The following PWWP3B variants were observed in gnomAD, a reference collection of about 807,000 sequenced individuals.
PWWP3B encodes PWWP domain containing 3B.
A neutral mutation model predicts 15.7 loss-of-function variants in PWWP3B; 5 were observed. The observed-to-expected ratio is 0.32, with a 90% confidence interval of 0.17 to 0.67. The LOEUF (loss-of-function observed/expected upper bound fraction) is 0.67. PWWP3B is among the 30% of genes least tolerant of loss of function. The pLI, the probability that PWWP3B is intolerant of heterozygous loss-of-function variation, is 0.74. For missense variants in PWWP3B, 519 were observed against 493.1 expected (o/e 1.05, Z -0.50); for synonymous variants, 203 against 179.8 (o/e 1.13, Z -1.03).
intron 2 of PWWP3B, among the ~76,000 whole-genome samples, chrX:106,193,018 G>A: frequency 9.0e-6 from 1 of 111,641 alleles, no homozygotes; most frequent in East Asian, 2.8e-4. Context: ...TGTATATTTT[G>A]TTGATTTAGG....
intron 2 of PWWP3B, among the ~76,000 whole-genome samples, chrX:106,177,618 C>T (rs770372291): frequency 6.2e-5 from 7 of 112,202 alleles, no homozygotes; most frequent in African/African-American, 1.6e-4. Context: ...ACGTGCTGTT[C>T]GTGTTAATTT....
At chrX:106,190,826 C>G (rs1159987818) in intron 2 of PWWP3B, among the ~76,000 whole-genome samples, 74 of 111,328 alleles carry the variant, frequency 6.6e-4, no homozygotes, top group Admixed American at 2.1e-3. Context: ...GCTTGTTTTT[C>G]TCAGGTTTGT....
At chrX:106,200,774 C>T (rs1209371702) in intron 2 of PWWP3B, among the ~76,000 whole-genome samples, 3 of 111,694 alleles carry the variant, frequency 2.7e-5, no homozygotes, top group East Asian at 5.6e-4. Flanking sequence ...GCCGGCCGGG[C>T]GCGGTGGCTC....
chrX:106,186,866 G>A (rs997405524), intron 2 of PWWP3B, among the ~76,000 whole-genome samples: 8 of 111,773 alleles, frequency 7.2e-5, no homozygotes, highest in African/African-American at 2.6e-4. Flanking sequence ...ACAGAGTGCC[G>A]ATTGGTGCAT....
At chrX:106,174,328 A>AT (rs201157064) in intron 2 of PWWP3B, among the ~76,000 whole-genome samples, 3,791 of 111,596 alleles carry the variant, frequency 0.034, 157 homozygotes, top group African/African-American at 0.12. Flanking sequence ...TAGTTTTATG[A>AT]TTTTTTATAA....
chrX:106,198,055 A>T (rs1019742218), intron 2 of PWWP3B, among the ~76,000 whole-genome samples: 2 of 112,196 alleles, frequency 1.8e-5, no homozygotes, highest in African/African-American at 6.5e-5. Context: ...AATGGTTATT[A>T]CTACATTTTT....
At chrX:106,190,388 G>A (rs1425701737) in intron 2 of PWWP3B, among the ~76,000 whole-genome samples, 1 of 111,761 alleles carries the variant, frequency 8.9e-6, no homozygotes, top group African/African-American at 3.3e-5. Context: ...TTTTGATGGG[G>A]TTGTTTGTTT....
chrX:106,183,756 G>A (rs757357293), intron 2 of PWWP3B, among the ~76,000 whole-genome samples: 2 of 112,269 alleles, frequency 1.8e-5, no homozygotes, highest in East Asian at 5.7e-4. Flanking sequence ...CAGTGTCCAG[G>A]AGGAAGTCAA....
intron 2 of PWWP3B, among the ~76,000 whole-genome samples, chrX:106,182,800 A>T (rs2147597930): frequency 9.0e-6 from 1 of 111,457 alleles, no homozygotes; most frequent in African/African-American, 3.3e-5. Context: ...ACTGTTTGTT[A>T]GTAAAAGGAT....
intron 2 of PWWP3B, among the ~76,000 whole-genome samples, chrX:106,201,027 G>C (rs887596235): frequency 1.9e-5 from 2 of 106,062 alleles, no homozygotes; most frequent in South Asian, 8.3e-4. Context: ...CAGCCTGGGC[G>C]ACAGAGTAAG....
At chrX:106,172,789 A>T (rs994924824) in intron 2 of PWWP3B, among the ~76,000 whole-genome samples, 1 of 111,772 alleles carries the variant, frequency 8.9e-6, no homozygotes, top group Admixed American at 9.5e-5. Context: ...ATCACTATCA[A>T]GTATTAGGTA....
chrX:106,175,236 CTT>C (rs1218589426), intron 2 of PWWP3B, among the ~76,000 whole-genome samples: 1 of 73,139 alleles, frequency 1.4e-5, no homozygotes. Flanking sequence ...GGGGTTATTT[CTT>C]TTTTTTTTTT....
At chrX:106,190,953 T>C (rs2147613807) in intron 2 of PWWP3B, among the ~76,000 whole-genome samples, 1 of 111,591 alleles carries the variant, frequency 9.0e-6, no homozygotes, top group Admixed American at 9.5e-5. Flanking sequence ...CGTAGCCTTG[T>C]AGTATAGTTT....
chrX:106,206,514 C>T lies in PWWP3B; in HGVS notation c.1082C>T (p.Pro361Leu). 1 of 1,207,011 alleles carries T rather than the reference C, an allele frequency of 8.3e-7. No individual in the cohort carries two copies. The highest frequency in any genetic ancestry group is 1.1e-6 in the Non-Finnish European group (1 of 893,518). The change falls in exon 4 of 4, where the codon CCA (proline) becomes CTA (leucine). Residue 361 changes from proline (P) to leucine (L), a missense_variant. Physicochemically the swap from Pro to Leu is moderately conservative, Grantham distance 98 (BLOSUM62 -3). Transcript: ENST00000357175. ...EGQASDKSLL[P>L]SRINLSLLDD... is the part of the protein sequence containing the mutation. ...CAAGCCTCTGACAAGTCATTGCTTC[C>T]AAGTCGCATTAATCTTTCTCTATTA...
intron 2 of PWWP3B, among the ~76,000 whole-genome samples, chrX:106,175,343 C>T (rs1195841417): frequency 3.8e-5 from 4 of 103,971 alleles, no homozygotes; most frequent in Non-Finnish European, 7.9e-5. Flanking sequence ...CGGGTTCACG[C>T]CATTCTCCTG....
chrX:106,186,296 C>T (rs748428904), intron 2 of PWWP3B, among the ~76,000 whole-genome samples: 2 of 110,737 alleles, frequency 1.8e-5, no homozygotes, highest in Non-Finnish European at 3.8e-5. Flanking sequence ...TTTGGCTGAG[C>T]CCGGAAGTAC....
At chrX:106,191,397 C>T (rs1430222628) in intron 2 of PWWP3B, among the ~76,000 whole-genome samples, 1 of 111,426 alleles carries the variant, frequency 9.0e-6, no homozygotes, top group Non-Finnish European at 1.9e-5. Context: ...ATTTTGTATC[C>T]TGAGATTTGC....
At chrX:106,185,157 T>C (rs1922434263) in intron 2 of PWWP3B, among the ~76,000 whole-genome samples, 1 of 111,582 alleles carries the variant, frequency 9.0e-6, no homozygotes, top group Non-Finnish European at 1.9e-5. Context: ...CAGGTGGCCA[T>C]TTTTCCCCAT....
intron 2 of PWWP3B, among the ~76,000 whole-genome samples, chrX:106,189,876 C>G (rs1204582686): frequency 8.9e-6 from 1 of 112,173 alleles, no homozygotes; most frequent in African/African-American, 3.2e-5. Flanking sequence ...CTCGGCCTCC[C>G]AAAGTGCTGG....
Sources: allele counts gnomAD v4.1 joint callset (sites outside exome capture counted in the v4.1 genomes callset), GRCh38; gene constraint gnomAD v4.1.1; transcripts MANE v1.5; gene names NCBI Gene and HGNC (gene_info 2026-07-23, HGNC 2026-07-21).